The following NXPH1 variants were observed in gnomAD, a reference collection of about 807,000 sequenced individuals.
The protein encoded by NXPH1 is neurexophilin 1.
In NXPH1, 5 loss-of-function variants were observed where a neutral mutation model predicts 23.7. The ratio of observed to expected loss-of-function variants is 0.21; its 90% confidence interval spans 0.11 to 0.44. The LOEUF is 0.44. NXPH1 is among the 20% of genes least tolerant of loss of function. NXPH1 has a pLI of 0.99. For missense variants in NXPH1, 324 were observed against 321.6 expected (o/e 1.01, Z -0.06); for synonymous variants, 144 against 122.2 (o/e 1.18, Z -1.18).
At chr7:8,697,877 AC>A (rs1246171501) in intron 2 of NXPH1, among the ~76,000 whole-genome samples, 2 of 152,186 alleles carry the variant, frequency 1.3e-5, no homozygotes, top group African/African-American at 4.8e-5. Flanking sequence ...CAAGAGAGAC[AC>A]ACTGGTAGAA....
chr7:8,658,019 C>T (rs182687335), intron 2 of NXPH1, among the ~76,000 whole-genome samples: 26 of 152,300 alleles, frequency 1.7e-4, no homozygotes, highest in African/African-American at 6.0e-4. Flanking sequence ...CAGAGCAAGA[C>T]TCCATTTCAA....
At chr7:8,628,915 C>G (rs1820061221) in intron 2 of NXPH1, among the ~76,000 whole-genome samples, 1 of 151,128 alleles carries the variant, frequency 6.6e-6, no homozygotes, top group African/African-American at 2.4e-5. Flanking sequence ...ACGAAAGCCT[C>G]ATGTATCTCA....
chr7:8,630,720 T>G (rs780855787), intron 2 of NXPH1, among the ~76,000 whole-genome samples: 17 of 152,198 alleles, frequency 1.1e-4, no homozygotes, highest in Non-Finnish European at 7.3e-5. Context: ...AGATTATGCA[T>G]AATTTGACTT....
At chr7:8,463,300 T>G (rs1317881011) in intron 2 of NXPH1, among the ~76,000 whole-genome samples, 1 of 152,130 alleles carries the variant, frequency 6.6e-6, no homozygotes, top group Non-Finnish European at 1.5e-5. Context: ...TGTATCTTTT[T>G]TTTTTTCATG....
At position 8,597,264 on chromosome 7, in the gene NXPH1, G is replaced by T. The variant is rs145785797; in HGVS notation, c.55-153744G>T. On this transcript the variant is annotated intron_variant, in intron 2 of 2. Transcript: ENST00000405863. The stretch of plus-strand genomic sequence containing the variant: ...TTTTCAGCCAGAGTACGATGTTTTG[G>T]CCATTAAAGGGTAAAGTTTATTTAG... 4.6e-5 allele frequency among the ~76,000 whole-genome samples: 7 copies of T among 152,148 alleles called. No individual in the cohort carries two copies. In the East Asian group the frequency reaches 1.2e-3, roughly 25 times the overall value.
chr7:8,732,846 C>T (rs192046982), intron 2 of NXPH1, among the ~76,000 whole-genome samples: 1 of 151,872 alleles, frequency 6.6e-6, no homozygotes, highest in Non-Finnish European at 1.5e-5. Flanking sequence ...AAGGACTATA[C>T]CCTTGGGCTT....
intron 2 of NXPH1, among the ~76,000 whole-genome samples, chr7:8,452,405 A>G (rs1161502744): frequency 2.0e-5 from 3 of 151,990 alleles, no homozygotes; most frequent in African/African-American, 7.2e-5. Context: ...CCCATTTTTG[A>G]TTTATTATAT....
At chr7:8,655,589 TGTG>T (rs1820568588) in intron 2 of NXPH1, among the ~76,000 whole-genome samples, 1 of 73,866 alleles carries the variant, frequency 1.4e-5, no homozygotes, top group Non-Finnish European at 3.0e-5. Context: ...TGTGTGTGTG[TGTG>T]TATGTTTATG....
At chr7:8,464,605 G>A (rs143501969) in intron 2 of NXPH1, among the ~76,000 whole-genome samples, 201 of 152,274 alleles carry the variant, frequency 1.3e-3, no homozygotes, top group African/African-American at 4.5e-3. Context: ...AGAAGATCTA[G>A]ATTTGAATTC....
At chr7:8,652,537 T>C (rs780739932) in intron 2 of NXPH1, among the ~76,000 whole-genome samples, 4 of 152,180 alleles carry the variant, frequency 2.6e-5, no homozygotes, top group Non-Finnish European at 5.9e-5. Context: ...TACTAGAAAT[T>C]CAGGAGGTTT....
chr7:8,593,658 A>T (rs972522526), intron 2 of NXPH1, among the ~76,000 whole-genome samples: 3 of 152,076 alleles, frequency 2.0e-5, no homozygotes, highest in African/African-American at 7.2e-5. Flanking sequence ...ATAATACACC[A>T]GTAGCCAGTT....
At chr7:8,498,442 T>G (rs1308630304) in intron 2 of NXPH1, among the ~76,000 whole-genome samples, 2 of 152,108 alleles carry the variant, frequency 1.3e-5, no homozygotes, top group African/African-American at 4.8e-5. Context: ...CCTCTATTTT[T>G]TCCCCCTACT....
At chr7:8,562,868 T>C (rs1209880718) in intron 2 of NXPH1, among the ~76,000 whole-genome samples, 1 of 151,662 alleles carries the variant, frequency 6.6e-6, no homozygotes, top group Non-Finnish European at 1.5e-5. Context: ...AGAATATCAA[T>C]GACATATACT....
At chr7:8,661,138 G>C (rs1222572939) in intron 2 of NXPH1, among the ~76,000 whole-genome samples, 1 of 152,088 alleles carries the variant, frequency 6.6e-6, no homozygotes, top group East Asian at 1.9e-4. Context: ...TGGGAATATT[G>C]AGGTGTCTTC....
At chr7:8,497,320 A>G (rs971233553) in intron 2 of NXPH1, among the ~76,000 whole-genome samples, 1 of 152,182 alleles carries the variant, frequency 6.6e-6, no homozygotes, top group Non-Finnish European at 1.5e-5. Flanking sequence ...AGCAATAAAC[A>G]TACGTGTACA....
Position 8,747,506 on chromosome 7 carries a change from T to C in NXPH1, c.55-3502T>C, listed in dbSNP as rs192188517. On this transcript the variant is annotated intron_variant, in intron 2 of 2. Transcript: ENST00000405863. ...CGTTACTGCTTCATTAGCCAGTGCA[T>C]CATGAAAGCATCTCAATACAGCCCT... Among the ~76,000 whole-genome samples the C allele has an allele frequency of 4.9e-4, 74 of 152,334 alleles. 1 individual carries two copies. The Middle Eastern group carries it at 0.027, about 56-fold the overall frequency.
At chr7:8,533,606 C>A (rs575309557) in intron 2 of NXPH1, among the ~76,000 whole-genome samples, 1 of 152,122 alleles carries the variant, frequency 6.6e-6, no homozygotes, top group Admixed American at 6.5e-5. Flanking sequence ...ATAGGCAACT[C>A]GCCTATCTCT....
At position 8,613,961 on chromosome 7, in the gene NXPH1, A is replaced by G. The variant is rs182752801; in HGVS notation, c.55-137047A>G. Among the ~76,000 whole-genome samples the G allele has an allele frequency of 5.3e-5, 8 of 151,938 alleles. No individual in the cohort carries two copies. The East Asian group carries it at 1.5e-3, about 29-fold the overall frequency. On this transcript the variant is annotated intron_variant, in intron 2 of 2. Coordinates refer to ENST00000405863, the MANE Select transcript of NXPH1 (RefSeq NM_152745.3). ...ATCATAATCTTAGTTTCAACGACTA[A>G]TATTGTTTTAATAACTGTTCTTATG...
At chr7:8,481,972 C>T (rs1817080601) in intron 2 of NXPH1, among the ~76,000 whole-genome samples, 1 of 152,174 alleles carries the variant, frequency 6.6e-6, no homozygotes, top group Non-Finnish European at 1.5e-5. Context: ...CTTCACTTCA[C>T]CTTGGACCTG....
Sources: allele counts gnomAD v4.1 joint callset (sites outside exome capture counted in the v4.1 genomes callset), GRCh38; gene constraint gnomAD v4.1.1; transcripts MANE v1.5; gene names NCBI Gene and HGNC (gene_info 2026-07-23, HGNC 2026-07-21).